The following EFCAB13 variants were observed in gnomAD, a reference collection of about 807,000 sequenced individuals.
The protein encoded by EFCAB13 is EF-hand calcium binding domain 13.
In EFCAB13, 91 loss-of-function variants were observed where a neutral mutation model predicts 110.2. The observed-to-expected ratio is 0.83, with a 90% CI of 0.70 to 0.98. The LOEUF is 0.98. Ranked by LOEUF, EFCAB13 falls within the 50% of genes least tolerant of loss-of-function variation. EFCAB13 has a pLI of 0.00. For missense variants in EFCAB13, 968 were observed against 1,119.4 expected, an observed-to-expected ratio of 0.86 and a Z score of 1.93; for synonymous variants, 323 against 369.9, an observed-to-expected ratio of 0.87 and a Z score of 1.45.
chr17:47,391,925 A>G (rs78467191), intron 15 of EFCAB13, among the ~76,000 whole-genome samples: 3,444 of 152,286 alleles, frequency 0.023, 107 homozygotes, highest in East Asian at 0.18. Context: ...AAGGCATTAA[A>G]TTGGGGCAAA....
At chr17:47,327,717 A>G (rs1328727596) in intron 3 of EFCAB13, among the ~76,000 whole-genome samples, 1 of 152,210 alleles carries the variant, frequency 6.6e-6, no homozygotes, top group East Asian at 1.9e-4. Context: ...GGCCTCCCAT[A>G]GTGCTGGGAT....
At chr17:47,348,488 G>A (rs2065430299) in intron 9 of EFCAB13, among the ~76,000 whole-genome samples, 1 of 151,960 alleles carries the variant, frequency 6.6e-6, no homozygotes, top group Non-Finnish European at 1.5e-5. Flanking sequence ...AAAAACTTTA[G>A]TAAACAGTTT....
At chr17:47,350,505 C>A (rs1395788339) in intron 9 of EFCAB13, among the ~76,000 whole-genome samples, 2 of 152,148 alleles carry the variant, frequency 1.3e-5, no homozygotes, top group Non-Finnish European at 2.9e-5. Context: ...ATCACAGAAC[C>A]TTTCCCAGGC....
intron 4 of EFCAB13, among the ~76,000 whole-genome samples, chr17:47,331,661 A>G (rs959830855): frequency 2.0e-5 from 3 of 152,134 alleles, no homozygotes; most frequent in African/African-American, 4.8e-5. Context: ...GTATTATGAC[A>G]TATAGTCAAC....
intron 14 of EFCAB13, 122 bp from the exon 15 acceptor site, chr17:47,391,315 T>G: frequency 1.5e-6 from 1 of 664,366 alleles, no homozygotes; most frequent in Non-Finnish European, 2.3e-6. Context: ...TTTTAGTATA[T>G]AACACTGCTG....
At position 47,402,219 on chromosome 17, in the gene EFCAB13, T is replaced by G; in HGVS notation, c.2017+16T>G. 6.2e-7 allele frequency: 1 copy of G among 1,603,402 alleles called. No individual in the cohort carries two copies. The highest frequency in any genetic ancestry group is 1.3e-5 in the African/African-American group (1 of 74,740). ...AGGTTAGAAGGTAAGTACTGAATTA[T>G]TTATAACGGTTAGATTTACTTTTAT... is the stretch of plus-strand genomic sequence containing the variant. On this transcript the variant is annotated intron_variant, in intron 18 of 24. Coordinates refer to ENST00000331493, the MANE Select transcript of EFCAB13 (RefSeq NM_152347.5).
chr17:47,424,565 G>C (rs1425549141), intron 23 of EFCAB13, among the ~76,000 whole-genome samples: 1 of 152,182 alleles, frequency 6.6e-6, no homozygotes, highest in Non-Finnish European at 1.5e-5. Context: ...ACTTATTCCA[G>C]TTGCTTTCAT....
At chr17:47,428,009 G>A (rs1171091687) in intron 23 of EFCAB13, among the ~76,000 whole-genome samples, 1 of 151,810 alleles carries the variant, frequency 6.6e-6, no homozygotes, top group Non-Finnish European at 1.5e-5. Context: ...TCATATTTTA[G>A]GTACCTGAAT....
chr17:47,339,728 T>A (rs1453778810), intron 5 of EFCAB13: 1 of 147,744 alleles, frequency 6.8e-6, no homozygotes. Context: ...TTTTTGACAG[T>A]CCAATAAGAA....
intron 9 of EFCAB13, among the ~76,000 whole-genome samples, chr17:47,351,965 G>C (rs1390628096): frequency 6.7e-6 from 1 of 148,340 alleles, no homozygotes; most frequent in Non-Finnish European, 1.5e-5. Context: ...GCAGTGGTGC[G>C]ATCTTGGCTC....
At position 47,335,257 on chromosome 17, in the gene EFCAB13, C is replaced by T. The variant is rs1339326937; in HGVS notation, c.92C>T (p.Ser31Leu). The change falls in exon 5 of 25, where the codon TCA (serine) becomes TTA (leucine). Residue 31 changes from serine to leucine, a missense_variant. Transcript: ENST00000331493. The part of the protein sequence containing the change: ...GSNSFATDLS[S>L]GTINHKKYIK... The stretch of plus-strand genomic sequence containing the variant: ...AATTCTTTTGCAACTGACTTGTCAT[C>T]AGGAACTATTAACCACAAGAAATAC... 1.9e-6 allele frequency: 3 copies of T among 1,611,314 alleles called. No individual in the cohort carries two copies. The highest frequency in any genetic ancestry group is 1.7e-6 in the Non-Finnish European group (2 of 1,179,164).
rs531804600 is a variant in EFCAB13, at chr17:47,333,993, G to A, written c.31-1203G>A. Among the ~76,000 whole-genome samples, 361 of 152,168 alleles carry A rather than the reference G, an allele frequency of 2.4e-3. 2 individuals carry two copies. Among genetic ancestry groups the A allele is most frequent in the African/African-American group, 8.4e-3 (347 of 41,508 alleles). The stretch of plus-strand genomic sequence containing the variant: ...AAAAATGACATCGGAATTTTGAGAG[G>A]AATTGCATTGAATCTGTAGATATCA... On this transcript the variant is annotated intron_variant, in intron 4 of 24. Coordinates refer to ENST00000331493, the MANE Select transcript of EFCAB13 (RefSeq NM_152347.5).
intron 21 of EFCAB13, among the ~76,000 whole-genome samples, chr17:47,412,418 A>G (rs2065840934): frequency 1.3e-5 from 2 of 152,238 alleles, no homozygotes; most frequent in Non-Finnish European, 2.9e-5. Flanking sequence ...AAGAGCTTCA[A>G]TCTCAAATTT....
At chr17:47,385,496 G>C (rs2065671332) in intron 14 of EFCAB13, among the ~76,000 whole-genome samples, 2 of 151,734 alleles carry the variant, frequency 1.3e-5, no homozygotes, top group African/African-American at 4.8e-5. Context: ...AGCCCCATCA[G>C]GTCATTTATG....
At chr17:47,423,561 C>T (rs1472846871) in intron 23 of EFCAB13, 9 of 313,278 alleles carry the variant, frequency 2.9e-5, no homozygotes, top group Non-Finnish European at 5.2e-5. Flanking sequence ...GTGCCGGCTG[C>T]CGAGGGAACG....
At chr17:47,384,588 C>T (rs1161419801) in intron 14 of EFCAB13, among the ~76,000 whole-genome samples, 1 of 152,042 alleles carries the variant, frequency 6.6e-6, no homozygotes, top group East Asian at 1.9e-4. Flanking sequence ...TTTATTTCTC[C>T]TTCACTTATA....
chr17:47,329,371 C>G (rs2065306706), intron 4 of EFCAB13, among the ~76,000 whole-genome samples: 1 of 151,946 alleles, frequency 6.6e-6, no homozygotes, highest in African/African-American at 2.4e-5. Flanking sequence ...AATTGAGAGT[C>G]CTAATCTTTT....
intron 23 of EFCAB13, among the ~76,000 whole-genome samples, chr17:47,419,577 C>T (rs778420002): frequency 1.7e-4 from 26 of 152,188 alleles, no homozygotes; most frequent in African/African-American, 6.3e-4. Flanking sequence ...GATCCCATCT[C>T]TAAATAATAA....
chr17:47,338,811 C>A (rs2065367029), intron 5 of EFCAB13, among the ~76,000 whole-genome samples: 1 of 151,888 alleles, frequency 6.6e-6, no homozygotes, highest in Admixed American at 6.6e-5. Flanking sequence ...TATGGGGGTT[C>A]ACAGGGTATG....
Sources: allele counts gnomAD v4.1 joint callset (sites outside exome capture counted in the v4.1 genomes callset), GRCh38; gene constraint gnomAD v4.1.1; transcripts MANE v1.5; gene names NCBI Gene and HGNC (gene_info 2026-07-23, HGNC 2026-07-21).